Variants in RNF13 observed in about 807,000 individuals in gnomAD.
RNF13 encodes E3 ubiquitin-protein ligase RNF13.
RNF13 carries 19 observed loss-of-function variants against 37.7 expected under a neutral mutation model. The observed-to-expected ratio is 0.50, with a 90% CI of 0.35 to 0.74. The LOEUF (loss-of-function observed/expected upper bound fraction) is 0.74. Among genes scored for constraint, RNF13 ranks in the 30% least tolerant of loss-of-function variants. RNF13 has a pLI of 0.01. For missense variants in RNF13, 375 were observed against 453.0 expected, an observed-to-expected ratio of 0.83 and a Z score of 1.56; for synonymous variants, 144 against 157.8, an observed-to-expected ratio of 0.91 and a Z score of 0.65.
In RNF13 at chr3:149,912,091, C is replaced by T. The variant is rs375591711; in HGVS notation, c.606+8C>T. On this transcript the variant is annotated splice_region_variant and intron_variant, in intron 7 of 9. Transcript: ENST00000392894. ...TTGATAGTCATTTTCATGGTAGGTACATTAACTTTTAATAATTTTTAAAAA... is the reference window on the plus strand; with the variant it reads ...TTGATAGTCATTTTCATGGTAGGTATATTAACTTTTAATAATTTTTAAAAA... 279 of 1,349,786 alleles carry T rather than the reference C, an allele frequency of 2.1e-4. 3 individuals are homozygous for T. The South Asian group carries it at 2.8e-3, about 14-fold the overall frequency. 83.6% of individuals were successfully genotyped at this position (1,349,786 alleles called of 1,614,324 possible).
At chr3:149,958,734 A>C (rs1440065461) in intron 8 of RNF13, among the ~76,000 whole-genome samples, 1 of 152,238 alleles carries the variant, frequency 6.6e-6, no homozygotes, top group Non-Finnish European at 1.5e-5. Flanking sequence ...AAAAACAATA[A>C]TTGCAGATAT....
Position 149,936,581 on chromosome 3 carries a change from CTGTT to C in RNF13, c.700+15359_700+15362del, listed in dbSNP as rs1719705095. Among the ~76,000 whole-genome samples the C allele has an allele frequency of 2.0e-5, 3 of 151,948 alleles. No individual in the cohort carries two copies. The South Asian group carries it at 6.2e-4, about 32-fold the overall frequency. The stretch of plus-strand genomic sequence containing the variant: ...ATTTCTATTTTTTTAATTTTTTAAT[CTGTT>C]TGTTAAATTTTTCTGGTAAGTTTCT... On this transcript the variant is annotated intron_variant, in intron 8 of 9. Coordinates refer to ENST00000392894, the MANE Select transcript of RNF13 (RefSeq NM_183381.3).
At chr3:149,831,265 CCA>C (rs1240062094) in intron 1 of RNF13, among the ~76,000 whole-genome samples, 32 of 152,296 alleles carry the variant, frequency 2.1e-4, no homozygotes, top group African/African-American at 7.7e-4. Flanking sequence ...ATGGCTTGCA[CCA>C]CATGCCTGGA....
At chr3:149,860,300 T>TATATATATATATATATATATATAA (rs1467450547) in intron 3 of RNF13, among the ~76,000 whole-genome samples, 5 of 128,740 alleles carry the variant, frequency 3.9e-5, no homozygotes, top group Admixed American at 8.0e-5. Flanking sequence ...TATATATATA[T>TATATATATATATATATATATATAA]AACGTGTATA....
chr3:149,902,203 T>A, intron 6 of RNF13, 41 bp downstream of exon 6: 1 of 935,026 alleles, frequency 1.1e-6, no homozygotes, highest in Non-Finnish European at 1.6e-6. Flanking sequence ...TTAAAATTCT[T>A]CTTTATATTA....
chr3:149,939,342 T>A (rs967428184), intron 8 of RNF13: 13 of 459,076 alleles, frequency 2.8e-5, no homozygotes, highest in African/African-American at 1.8e-4. Context: ...TTTTACTTTT[T>A]TCTGTGGAAC....
intron 3 of RNF13, among the ~76,000 whole-genome samples, chr3:149,870,208 G>A (rs1711857133): frequency 6.6e-6 from 1 of 151,744 alleles, no homozygotes; most frequent in South Asian, 2.1e-4. Context: ...ACCCAAGATA[G>A]TGGGCAATCT....
At chr3:149,884,306 G>A (rs1047631521) in intron 4 of RNF13, among the ~76,000 whole-genome samples, 2 of 151,852 alleles carry the variant, frequency 1.3e-5, no homozygotes, top group African/African-American at 4.8e-5. Context: ...AGTTGATGAA[G>A]AGTTGCCTTT....
intron 3 of RNF13, among the ~76,000 whole-genome samples, chr3:149,866,600 G>A (rs1303952121): frequency 2.6e-5 from 4 of 152,126 alleles, no homozygotes; most frequent in Non-Finnish European, 5.9e-5. Flanking sequence ...CAGCCTAGTA[G>A]GTCTCAGTCT....
chr3:149,829,570 T>C (rs2108333503), intron 1 of RNF13, among the ~76,000 whole-genome samples: 1 of 152,294 alleles, frequency 6.6e-6, no homozygotes, highest in African/African-American at 2.4e-5. Flanking sequence ...TTGGAAGGCT[T>C]TATGTTAGAG....
chr3:149,870,116 A>G (rs1015142027), intron 3 of RNF13, among the ~76,000 whole-genome samples: 1 of 151,704 alleles, frequency 6.6e-6, no homozygotes, highest in African/African-American at 2.4e-5. Flanking sequence ...CTTAGTCTCT[A>G]TCTACCTCAT....
chr3:149,893,072 T>G (rs1402584303), intron 4 of RNF13, among the ~76,000 whole-genome samples: 1 of 152,138 alleles, frequency 6.6e-6, no homozygotes, highest in East Asian at 1.9e-4. Context: ...TACCCATGAG[T>G]ACTGAAATTT....
intron 3 of RNF13, among the ~76,000 whole-genome samples, chr3:149,853,863 GT>G (rs1398637872): frequency 7.8e-6 from 1 of 128,716 alleles, no homozygotes; most frequent in Non-Finnish European, 1.6e-5. Flanking sequence ...TTAAGGTAGG[GT>G]TTCACTCTGT....
intron 1 of RNF13, among the ~76,000 whole-genome samples, chr3:149,841,802 G>A (rs2108364718): frequency 6.6e-6 from 1 of 152,102 alleles, no homozygotes; most frequent in Non-Finnish European, 1.5e-5. Flanking sequence ...GCTAATTTTT[G>A]TATTTTTAGT....
chr3:149,939,505 A>G (rs1720040759), intron 8 of RNF13: 1 of 580,476 alleles, frequency 1.7e-6, no homozygotes, highest in African/African-American at 1.9e-5. Flanking sequence ...CAACCGTAAG[A>G]TCACCAGTGG....
intron 4 of RNF13, among the ~76,000 whole-genome samples, chr3:149,891,819 G>A (rs752996795): frequency 1.3e-5 from 2 of 152,150 alleles, no homozygotes; most frequent in Non-Finnish European, 2.9e-5. Context: ...TTTATGAATG[G>A]GAAACTTTGC....
At chr3:149,840,622 C>T (rs1418630412) in intron 1 of RNF13, among the ~76,000 whole-genome samples, 1 of 151,966 alleles carries the variant, frequency 6.6e-6, no homozygotes, top group African/African-American at 2.4e-5. Context: ...GCAGAGACTC[C>T]AACAGTTGAA....
intron 8 of RNF13, among the ~76,000 whole-genome samples, chr3:149,921,468 C>A (rs916207924): frequency 1.3e-5 from 2 of 152,068 alleles, no homozygotes; most frequent in African/African-American, 2.4e-5. Flanking sequence ...CACCCCCCAA[C>A]AGGCCCTGTT....
intron 7 of RNF13, among the ~76,000 whole-genome samples, chr3:149,919,524 T>G (rs1042564221): frequency 2.0e-5 from 3 of 152,182 alleles, no homozygotes; most frequent in East Asian, 1.9e-4. Flanking sequence ...GTGTCTGTCT[T>G]CTTTCTGTCA....
Sources: gnomAD v4.1 joint callset for allele counts (sites outside exome capture counted in the v4.1 genomes callset) on GRCh38, gnomAD v4.1.1 for gene constraint, MANE v1.5 for transcripts, NCBI Gene and HGNC (gene_info 2026-07-23, HGNC 2026-07-21) for gene names.